Variants in ST3GAL4 observed in about 807,000 individuals in gnomAD.
ST3GAL4 encodes ST3 beta-galactoside alpha-2,3-sialyltransferase 4.
In ST3GAL4, 24 loss-of-function variants were observed where a neutral mutation model predicts 42.6. The ratio of observed to expected loss-of-function variants is 0.56; its 90% CI spans 0.41 to 0.79. The LOEUF (loss-of-function observed/expected upper bound fraction) is 0.79. ST3GAL4 is among the 30% of genes least tolerant of loss of function. The pLI is 0.00. For synonymous variants in ST3GAL4, 135 were observed against 163.2 expected (o/e 0.83, Z 1.32); for missense variants, 311 against 430.8 (o/e 0.72, Z 2.46).
chr11:126,413,567 T>C lies in ST3GAL4; in HGVS notation c.834T>C (p.Ile278=), dbSNP rs1201694987. Residue 278 remains isoleucine, a synonymous_variant, in exon 10 of 11, where the codon ATT becomes ATC. Coordinates refer to ENST00000444328, the MANE Select transcript of ST3GAL4 (RefSeq NM_001254757.2). ...TCCACCTCTGTGACTTGGTGCACAT[T>C]GCCGGCTTTGGCTACCCAGACGCCT... is the stretch of plus-strand genomic sequence containing the variant. ...LALHLCDLVH[I]AGFGYPDAYN... The C allele has an allele frequency of 6.2e-7, 1 of 1,614,274 alleles. No individual in the cohort carries two copies. The highest frequency in any genetic ancestry group is 8.5e-7 in the Non-Finnish European group (1 of 1,180,052).
chr11:126,411,152 GT>G lies in ST3GAL4; in HGVS notation c.771+1752del, dbSNP rs67537558. Reference sequence around the variant, plus strand: ...AGATGGACTCAACATTGTGTTGGTTGTTTTTTTTTTTGAGATGGAGTCTTGC... The same window carrying G: ...AGATGGACTCAACATTGTGTTGGTTGTTTTTTTTTTGAGATGGAGTCTTGC... On this transcript the variant is annotated intron_variant, in intron 9 of 10. Coordinates refer to ENST00000444328, the MANE Select transcript of ST3GAL4 (RefSeq NM_001254757.2). This position sits in a 1 kb window ranked among gnomAD's most constrained non-coding sequence, Gnocchi z 6.3. Among the ~76,000 whole-genome samples, 66,610 of 148,010 alleles carry G rather than the reference GT, an allele frequency of 0.45. 15,180 individuals are homozygous for G. Among genetic ancestry groups the G allele is most frequent in the East Asian group, 0.68 (3,437 of 5,038 alleles).
chr11:126,369,100 C>T (rs919799463), intron 1 of ST3GAL4, among the ~76,000 whole-genome samples: 2 of 152,144 alleles, frequency 1.3e-5, no homozygotes, highest in African/African-American at 2.4e-5. Context: ...ACAAGGAGGG[C>T]AAGTAGGGCT....
rs997638356 is a variant in ST3GAL4, at chr11:126,383,559, G to A, written c.-60-22537G>A. Reference sequence around the variant, plus strand: ...CATGGGGGGCGGGGGCAGAGAGGAGGAGGACTGAGAAGTGGGTGTATTTGG... The same window carrying A: ...CATGGGGGGCGGGGGCAGAGAGGAGAAGGACTGAGAAGTGGGTGTATTTGG... On this transcript the variant is annotated intron_variant, in intron 1 of 10. Coordinates refer to ENST00000444328, the MANE Select transcript of ST3GAL4 (RefSeq NM_001254757.2). This position sits in a 1 kb window ranked among gnomAD's most constrained non-coding sequence, Gnocchi z 4.5. Among the ~76,000 whole-genome samples, 9 of 152,218 alleles carry A rather than the reference G, an allele frequency of 5.9e-5. No individual in the cohort carries two copies. Among genetic ancestry groups the A allele is most frequent in the African/African-American group, 2.2e-4 (9 of 41,464 alleles).
At chr11:126,371,368 T>A (rs1261078783) in intron 1 of ST3GAL4, among the ~76,000 whole-genome samples, 4 of 151,822 alleles carry the variant, frequency 2.6e-5, no homozygotes, top group African/African-American at 9.7e-5. Context: ...TTTCACCATG[T>A]TGGCCAGGCT....
In ST3GAL4 at chr11:126,378,145, C is replaced by T. The variant is rs1389191913; in HGVS notation, c.-61+22303C>T. Among the ~76,000 whole-genome samples, 2 of 152,122 alleles carry T rather than the reference C, an allele frequency of 1.3e-5. No homozygotes were observed. Among genetic ancestry groups the T allele is most frequent in the East Asian group, 1.9e-4 (1 of 5,198 alleles). On this transcript the variant is annotated intron_variant, in intron 1 of 10. Coordinates refer to ENST00000444328, the MANE Select transcript of ST3GAL4 (RefSeq NM_001254757.2). This position sits in a 1 kb window ranked among gnomAD's most constrained non-coding sequence, Gnocchi z 5.3. ...CATTTTAGGTAGAAGATAGCCCACA[C>T]CACAGATCCAGACTGGCTAGGTAGA...
chr11:126,400,092 A>G lies in ST3GAL4; in HGVS notation c.-60-6004A>G, dbSNP rs147560229. Among the ~76,000 whole-genome samples, 71 of 151,902 alleles carry G rather than the reference A, an allele frequency of 4.7e-4. 2 individuals are homozygous for G. Among genetic ancestry groups the G allele is most frequent in the African/African-American group, 1.7e-3 (70 of 41,362 alleles). On this transcript the variant is annotated intron_variant, in intron 1 of 10. Transcript: ENST00000444328. The surrounding 1 kb of genome is among the most constrained non-coding windows in gnomAD (Gnocchi z 4.6). Reference sequence around the variant, plus strand: ...TCTCCCCTCTCCACTTCTTGGCACCAATTTTCTGTCTTAGTCCATTTTGTG... The same window carrying G: ...TCTCCCCTCTCCACTTCTTGGCACCGATTTTCTGTCTTAGTCCATTTTGTG...
In ST3GAL4 at chr11:126,410,969, C is replaced by T. The variant is rs1413896578; in HGVS notation, c.771+1558C>T. ...TTCCATTTGGCCAGAGCAGGCGGCTCCTCCAGCACTGAACTGTTTCCAGTA... is the reference window on the plus strand; with the variant it reads ...TTCCATTTGGCCAGAGCAGGCGGCTTCTCCAGCACTGAACTGTTTCCAGTA... On this transcript the variant is annotated intron_variant, in intron 9 of 10. Coordinates refer to ENST00000444328, the MANE Select transcript of ST3GAL4 (RefSeq NM_001254757.2). This position sits in a 1 kb window ranked among gnomAD's most constrained non-coding sequence, Gnocchi z 5.3. Among the ~76,000 whole-genome samples, 1 of 152,158 alleles carries T rather than the reference C, an allele frequency of 6.6e-6. No homozygotes were observed. The highest frequency in any genetic ancestry group is 1.9e-4 in the East Asian group (1 of 5,194).
intron 1 of ST3GAL4, among the ~76,000 whole-genome samples, chr11:126,382,734 G>A (rs1024293865): frequency 6.6e-6 from 1 of 152,182 alleles, no homozygotes; most frequent in Non-Finnish European, 1.5e-5. Flanking sequence ...GGTGGGTGTG[G>A]GCCATAGCCC....
At chr11:126,362,082 G>A (rs1296743106) in intron 1 of ST3GAL4, among the ~76,000 whole-genome samples, 6 of 151,392 alleles carry the variant, frequency 4.0e-5, no homozygotes, top group African/African-American at 1.5e-4. Context: ...GGGTTTCACC[G>A]TGTTGGCCAG....
At chr11:126,358,486 A>C (rs1410475235) in intron 1 of ST3GAL4, 1 of 454,754 alleles carries the variant, frequency 2.2e-6, no homozygotes, top group Admixed American at 2.4e-5. Context: ...AATCACCCCA[A>C]CCCCTGCCAC....
At chr11:126,361,247 A>G (rs936592238) in intron 1 of ST3GAL4, among the ~76,000 whole-genome samples, 4 of 152,296 alleles carry the variant, frequency 2.6e-5, no homozygotes, top group African/African-American at 9.6e-5. Flanking sequence ...GCTTTGGAAG[A>G]GCGAGGGGTT....
rs146045749 is a variant in ST3GAL4, at chr11:126,361,411, C to T, written c.-61+5569C>T. Among the ~76,000 whole-genome samples, 374 of 151,620 alleles carry T rather than the reference C, an allele frequency of 2.5e-3. 2 individuals carry two copies. The highest frequency in any genetic ancestry group is 7.9e-3 in the African/African-American group (327 of 41,260). ...CCCCCATTGAGTTCCAGTTGTGACC[C>T]CCCTGTGGTTCTCATTTTCTGGTAG... On this transcript the variant is annotated intron_variant, in intron 1 of 10. Transcript: ENST00000444328.
rs900356906 is a variant in ST3GAL4, at chr11:126,359,766, C to A, written c.-61+3924C>A. 6.8e-6 allele frequency among the ~76,000 whole-genome samples: 1 copy of A among 147,314 alleles called. No homozygotes were observed. Among genetic ancestry groups the A allele is most frequent in the African/African-American group, 2.7e-5 (1 of 37,034 alleles). ...CTCCTTCCCTCCTTCCCTCCTTCCC[C>A]GTGGGCCCTCCCAGCCTCCCCAGCC... is the stretch of plus-strand genomic sequence containing the variant. On this transcript the variant is annotated intron_variant, in intron 1 of 10. Coordinates refer to ENST00000444328, the MANE Select transcript of ST3GAL4 (RefSeq NM_001254757.2). This position sits in a 1 kb window ranked among gnomAD's most constrained non-coding sequence, Gnocchi z 4.8.
chr11:126,368,815 C>G (rs1350565609), intron 1 of ST3GAL4, among the ~76,000 whole-genome samples: 6 of 152,200 alleles, frequency 3.9e-5, no homozygotes, highest in Non-Finnish European at 7.3e-5. Context: ...TCTTTGCACC[C>G]CACTGTTTTA....
intron 1 of ST3GAL4, among the ~76,000 whole-genome samples, chr11:126,390,017 C>CAAAAAAAAAAAAAA (rs57306343): frequency 8.7e-6 from 1 of 114,636 alleles, no homozygotes; most frequent in Non-Finnish European, 1.7e-5. Context: ...GCTAAAAATA[C>CAAAAAAAAAAAAAA]AAAAAAAAAA....
At chr11:126,358,906 T>A (rs775628621) in intron 1 of ST3GAL4, among the ~76,000 whole-genome samples, 1 of 152,156 alleles carries the variant, frequency 6.6e-6, no homozygotes, top group Non-Finnish European at 1.5e-5. Flanking sequence ...CGGGCTGAAG[T>A]GAGGTGTGGG....
chr11:126,357,338 G>A (rs928773320), intron 1 of ST3GAL4, among the ~76,000 whole-genome samples: 3 of 152,228 alleles, frequency 2.0e-5, no homozygotes, highest in Non-Finnish European at 4.4e-5. Flanking sequence ...CTCCAAGATG[G>A]TAACCGAGGT....
At chr11:126,360,294 A>G (rs940510167) in intron 1 of ST3GAL4, among the ~76,000 whole-genome samples, 2 of 152,188 alleles carry the variant, frequency 1.3e-5, no homozygotes, top group African/African-American at 4.8e-5. Flanking sequence ...GGATCCGCGG[A>G]GTTCTGGGCA....
chr11:126,406,360 T>C lies in ST3GAL4; in HGVS notation c.17-113T>C. 1 of 1,571,876 alleles carries C rather than the reference T, an allele frequency of 6.4e-7. No individual in the cohort carries two copies. Among genetic ancestry groups the C allele is most frequent in the Non-Finnish European group, 8.6e-7 (1 of 1,158,580 alleles). ...CCAGGGCCAGGAGAGGGCCAGAGAC[T>C]GCTTCTGTTGAGTTAGGGGTCGGAG... On this transcript the variant is annotated intron_variant, in intron 2 of 10. Coordinates refer to ENST00000444328, the MANE Select transcript of ST3GAL4 (RefSeq NM_001254757.2). The surrounding 1 kb of genome is among the most constrained non-coding windows in gnomAD (Gnocchi z 5.4).
Sources: gnomAD v4.1 joint callset for allele counts (sites outside exome capture counted in the v4.1 genomes callset) on GRCh38, gnomAD v4.1.1 for gene constraint, Gnocchi (gnomAD v3.1) non-coding constraint, MANE v1.5 for transcripts, NCBI Gene and HGNC (gene_info 2026-07-23, HGNC 2026-07-21) for gene names.